The following ARFGEF2 variants were observed in gnomAD, a reference collection of about 807,000 sequenced individuals.
ARFGEF2 encodes ARF guanine nucleotide exchange factor 2, also known as brefeldin A-inhibited guanine nucleotide-exchange protein 2.
A neutral mutation model predicts 219.9 loss-of-function variants in ARFGEF2; 74 were observed. The ratio of observed to expected loss-of-function variants is 0.34; its 90% CI spans 0.28 to 0.41. ARFGEF2 has a LOEUF of 0.41. Among genes scored for constraint, ARFGEF2 ranks in the 10% least tolerant of loss-of-function variants. The pLI is 1.00. For synonymous variants in ARFGEF2, 733 were observed against 799.2 expected (o/e 0.92, Z 1.40); for missense variants, 1,743 against 2,218.3 (o/e 0.79, Z 4.30).
At chr20:48,961,548 A>C (rs2091151750) in intron 6 of ARFGEF2, among the ~76,000 whole-genome samples, 1 of 150,142 alleles carries the variant, frequency 6.7e-6, no homozygotes. Flanking sequence ...TTTTTAAATA[A>C]GTAGAAGGCA....
rs2091382096 is a variant in ARFGEF2, at chr20:48,995,793, G to A, written c.3132G>A (p.Val1044=). The A allele has an allele frequency of 6.2e-7, 1 of 1,614,124 alleles. No individual in the cohort carries two copies. Among genetic ancestry groups the A allele is most frequent in the Non-Finnish European group, 8.5e-7 (1 of 1,179,990 alleles). ...EFMGLGLGNL[V]SGGVDKRQMA... ...TGCATTGTGTTTCAGGTAATTTGGT[G>A]AGTGGCGGAGTGGATAAAAGACAGA... Residue 1044 remains valine (V), a synonymous_variant, in exon 23 of 39, where the codon GTG becomes GTA. Transcript: ENST00000371917.
intron 23 of ARFGEF2, among the ~76,000 whole-genome samples, chr20:48,997,021 ATTAT>A (rs991711761): frequency 6.6e-6 from 1 of 151,494 alleles, no homozygotes; most frequent in Non-Finnish European, 1.5e-5. Context: ...TTCCCTTTTT[ATTAT>A]TTTAATATTC....
At chr20:48,966,143 C>T in intron 8 of ARFGEF2, 120 bp downstream of exon 8, 1 of 1,222,436 alleles carries the variant, frequency 8.2e-7, no homozygotes, top group Non-Finnish European at 1.2e-6. Flanking sequence ...CTTTATTAGT[C>T]ACACAGTCCT....
intron 6 of ARFGEF2, among the ~76,000 whole-genome samples, chr20:48,962,204 A>C (rs1568707750): frequency 6.6e-6 from 1 of 152,186 alleles, no homozygotes; most frequent in Non-Finnish European, 1.5e-5. Context: ...AAAATAAATA[A>C]ATAACAAACT....
chr20:48,942,929 A>G (rs2091002798), intron 3 of ARFGEF2, among the ~76,000 whole-genome samples: 1 of 152,174 alleles, frequency 6.6e-6, no homozygotes, highest in East Asian at 1.9e-4. Flanking sequence ...TTGTTGATGC[A>G]TTAACATTGA....
intron 26 of ARFGEF2, among the ~76,000 whole-genome samples, chr20:49,006,917 T>C (rs1319122805): frequency 1.3e-5 from 2 of 151,770 alleles, no homozygotes; most frequent in East Asian, 3.9e-4. Flanking sequence ...CCTGACCTCA[T>C]GATCCGCCCA....
chr20:48,936,241 G>A (rs1282511884), intron 1 of ARFGEF2, among the ~76,000 whole-genome samples: 2 of 147,784 alleles, frequency 1.4e-5, no homozygotes, highest in Admixed American at 6.7e-5. Flanking sequence ...GCGGCTGGCC[G>A]GGCGGGGGGC....
At chr20:49,025,916 A>C (rs1044820439) in intron 36 of ARFGEF2, among the ~76,000 whole-genome samples, 2 of 149,670 alleles carry the variant, frequency 1.3e-5, no homozygotes, top group African/African-American at 4.9e-5. Flanking sequence ...CGGAAGGCGG[A>C]GGTTGCGGTG....
At chr20:49,023,320 G>T in intron 35 of ARFGEF2, 139 bp downstream of exon 35, 2 of 1,168,964 alleles carry the variant, frequency 1.7e-6, no homozygotes, top group South Asian at 2.6e-5. Flanking sequence ...TTCAGTGATG[G>T]CATGTTGATG....
At chr20:48,951,792 C>G (rs535689297) in intron 4 of ARFGEF2, among the ~76,000 whole-genome samples, 3 of 152,268 alleles carry the variant, frequency 2.0e-5, no homozygotes, top group African/African-American at 7.2e-5. Flanking sequence ...TGTTGATATT[C>G]TTATCTCTGA....
rs554597474 is a variant in ARFGEF2, at chr20:48,928,526, G to A, written c.121+6516G>A. On this transcript the variant is annotated intron_variant, in intron 1 of 38. Transcript: ENST00000371917. Reference sequence around the variant, plus strand: ...ATCTTTTTTTTTTTGAGCCAGTCTCGCTCTGTCGCCCAGGCTGGAGTGCAG... The same window carrying A: ...ATCTTTTTTTTTTTGAGCCAGTCTCACTCTGTCGCCCAGGCTGGAGTGCAG... Among the ~76,000 whole-genome samples the A allele has an allele frequency of 7.5e-3, 1,011 of 135,692 alleles. 6 individuals are homozygous for A. Among genetic ancestry groups the A allele is most frequent in the South Asian group, 0.034 (147 of 4,292 alleles). The allele number at this position is 135,692 out of a possible 152,430, so 89.0% of individuals were successfully genotyped here.
intron 20 of ARFGEF2, among the ~76,000 whole-genome samples, chr20:48,990,297 C>T (rs1334988460): frequency 1.3e-5 from 2 of 152,134 alleles, no homozygotes; most frequent in Non-Finnish European, 2.9e-5. Context: ...AATACTATTT[C>T]CTTTTTAACA....
intron 6 of ARFGEF2, among the ~76,000 whole-genome samples, chr20:48,956,607 C>T (rs1395664191): frequency 6.6e-6 from 1 of 152,064 alleles, no homozygotes; most frequent in African/African-American, 2.4e-5. Context: ...TGAGTCTCGC[C>T]ATCTTGCCCA....
intron 1 of ARFGEF2, among the ~76,000 whole-genome samples, chr20:48,939,994 G>T (rs926410408): frequency 2.6e-5 from 4 of 152,228 alleles, no homozygotes; most frequent in Admixed American, 1.3e-4. Context: ...TCCCAAGGCT[G>T]ATTTGATAAT....
rs2091354625 is a variant in ARFGEF2 at position 48,991,029 on chromosome 20, T to A, written c.2815-11T>A. The A allele has an allele frequency of 6.2e-7, 1 of 1,613,286 alleles. No individual in the cohort carries two copies. The highest frequency in any genetic ancestry group is 8.5e-7 in the Non-Finnish European group (1 of 1,179,610). Reference sequence around the variant, plus strand: ...GGAGTCACAGTGTTCTCTCTTGGGTTTCTGTTACAGCTGGAACGAGATGCC... The same window carrying A: ...GGAGTCACAGTGTTCTCTCTTGGGTATCTGTTACAGCTGGAACGAGATGCC... On this transcript the variant is annotated splice_polypyrimidine_tract_variant and intron_variant, in intron 20 of 38. Transcript: ENST00000371917.
intron 9 of ARFGEF2, 65 bp downstream of exon 9, chr20:48,969,342 T>A: frequency 6.2e-7 from 1 of 1,612,826 alleles, no homozygotes; most frequent in South Asian, 1.1e-5. Context: ...GTACTGTGTT[T>A]CACACTTCCC....
chr20:49,012,099 A>G lies in ARFGEF2; in HGVS notation c.3918+15A>G. The G allele has an allele frequency of 6.2e-7, 1 of 1,614,092 alleles. No individual in the cohort carries two copies. The highest frequency in any genetic ancestry group is 8.5e-7 in the Non-Finnish European group (1 of 1,180,026). ...AGAGGCCTCGGGTTCGTTTTTCCCC[A>G]CCTTACTCAGATGGGCAGTGAAGGG... is the stretch of plus-strand genomic sequence containing the variant. On this transcript the variant is annotated intron_variant, in intron 28 of 38. Coordinates refer to ENST00000371917, the MANE Select transcript of ARFGEF2 (RefSeq NM_006420.3).
chr20:48,942,139 A>C, intron 3 of ARFGEF2, 152 bp downstream of exon 3: 10 of 1,134,590 alleles, frequency 8.8e-6, no homozygotes, highest in Non-Finnish European at 1.1e-5. Flanking sequence ...TGGAGATCTC[A>C]TGAGGGAGGG....
chr20:49,002,531 T>C (rs1270783038), intron 25 of ARFGEF2, among the ~76,000 whole-genome samples: 1 of 152,222 alleles, frequency 6.6e-6, no homozygotes, highest in Non-Finnish European at 1.5e-5. Context: ...CTTATTTCAT[T>C]CAGCATAGTA....
Sources: allele counts gnomAD v4.1 joint callset (sites outside exome capture counted in the v4.1 genomes callset), GRCh38; gene constraint gnomAD v4.1.1; transcripts MANE v1.5; gene names NCBI Gene and HGNC (gene_info 2026-07-23, HGNC 2026-07-21).